Variants in TNFAIP8 observed in about 807,000 individuals in gnomAD.
TNFAIP8 encodes tumor necrosis factor alpha-induced protein 8.
TNFAIP8 carries 7 observed loss-of-function variants against 13.3 expected under a neutral mutation model. The ratio of observed to expected loss-of-function variants is 0.52; its 90% CI spans 0.30 to 0.99. TNFAIP8 has a LOEUF of 0.99. Among genes scored for constraint, TNFAIP8 ranks in the 50% least tolerant of loss-of-function variants. TNFAIP8 has a pLI of 0.07. For synonymous variants in TNFAIP8, 94 were observed against 87.6 expected, an observed-to-expected ratio of 1.07 and a Z score of -0.41; for missense variants, 258 against 236.9, an observed-to-expected ratio of 1.09 and a Z score of -0.58.
chr5:119,311,517 C>T (rs1161666788), intron 1 of TNFAIP8, among the ~76,000 whole-genome samples: 1 of 151,564 alleles, frequency 6.6e-6, no homozygotes, highest in East Asian at 1.9e-4. Flanking sequence ...TGGTGAAACC[C>T]CGTCTCTACT....
intron 1 of TNFAIP8, among the ~76,000 whole-genome samples, chr5:119,357,684 T>C (rs1751483026): frequency 6.6e-6 from 1 of 151,742 alleles, no homozygotes; most frequent in Non-Finnish European, 1.5e-5. Context: ...AAGAGGTTAA[T>C]GGGGCCCCTT....
upstream of TNFAIP8, chr5:119,354,370 T>C (rs1360657694): frequency 6.6e-6 from 1 of 152,252 alleles, no homozygotes; most frequent in African/African-American, 2.4e-5. Context: ...TCCTGCTCTT[T>C]CAGTGAAATT....
intron 1 of TNFAIP8, among the ~76,000 whole-genome samples, chr5:119,318,556 A>G (rs911437741): frequency 6.6e-6 from 1 of 152,158 alleles, no homozygotes; most frequent in Non-Finnish European, 1.5e-5. Flanking sequence ...TCAGTCTCCC[A>G]AAATGCTGAG....
intron 1 of TNFAIP8, among the ~76,000 whole-genome samples, chr5:119,386,449 A>G (rs1056889234): frequency 2.6e-5 from 4 of 152,272 alleles, no homozygotes; most frequent in African/African-American, 9.6e-5. Flanking sequence ...AGCTAAGCGA[A>G]GGACAATAAA....
At chr5:119,323,498 G>A (rs185544913) in intron 1 of TNFAIP8, among the ~76,000 whole-genome samples, 50 of 152,302 alleles carry the variant, frequency 3.3e-4, no homozygotes, top group East Asian at 2.7e-3. Context: ...TAGGAAGGCA[G>A]TGGTCCTGGA....
intron 1 of TNFAIP8, among the ~76,000 whole-genome samples, chr5:119,287,928 A>G (rs1484757416): frequency 6.6e-6 from 1 of 152,184 alleles, no homozygotes; most frequent in African/African-American, 2.4e-5. Flanking sequence ...CCAGGCAGGC[A>G]TCTTATCTCA....
chr5:119,367,374 A>G (rs182705536), intron 1 of TNFAIP8, among the ~76,000 whole-genome samples: 206 of 152,306 alleles, frequency 1.4e-3, no homozygotes, highest in Non-Finnish European at 2.5e-3. Context: ...TGGAATGTCA[A>G]CTGGACTATT....
At chr5:119,297,850 C>G (rs945457951) in intron 1 of TNFAIP8, among the ~76,000 whole-genome samples, 18 of 151,904 alleles carry the variant, frequency 1.2e-4, no homozygotes, top group African/African-American at 4.1e-4. Flanking sequence ...GATCCCTTTA[C>G]CATTGTGTAA....
intron 1 of TNFAIP8, among the ~76,000 whole-genome samples, chr5:119,270,838 TAATA>T (rs1173237779): frequency 2.6e-5 from 4 of 152,216 alleles, no homozygotes; most frequent in African/African-American, 4.8e-5. Flanking sequence ...TAAGAATTAT[TAATA>T]AATCAGTGAA....
intron 1 of TNFAIP8, among the ~76,000 whole-genome samples, chr5:119,323,153 A>C (rs990619660): frequency 2.0e-4 from 30 of 152,184 alleles, no homozygotes; most frequent in African/African-American, 7.2e-4. Flanking sequence ...TAGGTTACTT[A>C]AAGGGCAGTT....
intron 1 of TNFAIP8, among the ~76,000 whole-genome samples, chr5:119,342,272 C>G (rs67967956): frequency 0.12 from 17,745 of 152,170 alleles, 1,575 homozygotes; most frequent in African/African-American, 0.26. Flanking sequence ...TTGTGTTGTC[C>G]CCTTTAGGTT....
chr5:119,329,298 T>C lies in TNFAIP8; in HGVS notation c.1+60391T>C, dbSNP rs1339372746. 3.3e-5 allele frequency among the ~76,000 whole-genome samples: 5 copies of C among 152,346 alleles called. No homozygotes were observed. In the East Asian group the frequency reaches 5.8e-4, roughly 18 times the overall value. ...TTTTACACAATTTATACTTAAAACA[T>C]AGAAACAAGTACTACATGATAAAAA... On this transcript the variant is annotated intron_variant, in intron 1 of 1. Transcript: ENST00000274456.
chr5:119,288,213 G>A (rs1162365847), intron 1 of TNFAIP8, among the ~76,000 whole-genome samples: 2 of 152,038 alleles, frequency 1.3e-5, no homozygotes, highest in Admixed American at 1.3e-4. Flanking sequence ...TTAATGTTCT[G>A]TTTCCTCTTA....
At chr5:119,379,285 A>T (rs998907220) in intron 1 of TNFAIP8, among the ~76,000 whole-genome samples, 1 of 152,076 alleles carries the variant, frequency 6.6e-6, no homozygotes, top group African/African-American at 2.4e-5. Flanking sequence ...GGCACGTGTT[A>T]AGCACTTTGA....
chr5:119,304,566 T>G (rs1749495092), intron 1 of TNFAIP8, among the ~76,000 whole-genome samples: 1 of 152,216 alleles, frequency 6.6e-6, no homozygotes, highest in Non-Finnish European at 1.5e-5. Flanking sequence ...AACTTGCACC[T>G]TAGAATTACC....
chr5:119,269,337 T>C (rs1189803552), intron 1 of TNFAIP8, among the ~76,000 whole-genome samples: 1 of 152,206 alleles, frequency 6.6e-6, no homozygotes, highest in East Asian at 1.9e-4. Flanking sequence ...ACTGAGATGC[T>C]GGCCTGAGAT....
chr5:119,283,937 C>G (rs1748705793), intron 1 of TNFAIP8, among the ~76,000 whole-genome samples: 1 of 152,012 alleles, frequency 6.6e-6, no homozygotes. Flanking sequence ...AAGACTTGTT[C>G]TTCGCCTGTT....
intron 1 of TNFAIP8, among the ~76,000 whole-genome samples, chr5:119,288,839 G>A (rs1173896365): frequency 6.6e-6 from 1 of 152,214 alleles, no homozygotes; most frequent in Non-Finnish European, 1.5e-5. Context: ...TCTCCAAAGA[G>A]AGAGAAGGGC....
upstream of TNFAIP8, among the ~76,000 whole-genome samples, chr5:119,353,944 G>A (rs565655606): frequency 2.0e-5 from 3 of 152,146 alleles, no homozygotes; most frequent in Non-Finnish European, 4.4e-5. Context: ...TGTAGCACAC[G>A]GCCCTGGTGA....
Sources: allele counts gnomAD v4.1 joint callset (sites outside exome capture counted in the v4.1 genomes callset), GRCh38; gene constraint gnomAD v4.1.1; transcripts MANE v1.5; gene names NCBI Gene and HGNC (gene_info 2026-07-23, HGNC 2026-07-21).